ADAMTS6: variants seen among roughly 807,000 people sequenced by gnomAD.
The protein encoded by ADAMTS6 is A disintegrin and metalloproteinase with thrombospondin motifs 6.
A neutral mutation model predicts 144.3 loss-of-function variants in ADAMTS6; 23 were observed. The ratio of observed to expected loss-of-function variants is 0.16; its 90% CI spans 0.11 to 0.23. The LOEUF is 0.23. Among genes scored for constraint, ADAMTS6 ranks in the 10% least tolerant of loss-of-function variants. ADAMTS6 has a pLI of 1.00. For synonymous variants in ADAMTS6, 444 were observed against 457.5 expected, an observed-to-expected ratio of 0.97 and a Z score of 0.38; for missense variants, 999 against 1,379.6, an observed-to-expected ratio of 0.72 and a Z score of 4.37.
chr5:65,330,757 A>G (rs1746633204), intron 8 of ADAMTS6, among the ~76,000 whole-genome samples: 1 of 152,062 alleles, frequency 6.6e-6, no homozygotes, highest in Admixed American at 6.6e-5. Flanking sequence ...GTTTTATGCG[A>G]GACAGGCAAG....
chr5:65,174,353 C>T (rs1198130625), intron 22 of ADAMTS6, among the ~76,000 whole-genome samples: 1 of 152,178 alleles, frequency 6.6e-6, no homozygotes, highest in Admixed American at 6.5e-5. Context: ...GAGGCAGCCC[C>T]TTAGGTGGCT....
At chr5:65,168,736 C>T (rs2112055345) in intron 24 of ADAMTS6, among the ~76,000 whole-genome samples, 1 of 142,242 alleles carries the variant, frequency 7.0e-6, no homozygotes, top group South Asian at 2.4e-4. Context: ...CGCCGCTTAC[C>T]TACAACTATC....
intron 18 of ADAMTS6, among the ~76,000 whole-genome samples, chr5:65,220,691 G>A (rs1274063948): frequency 6.6e-6 from 1 of 152,094 alleles, no homozygotes; most frequent in Non-Finnish European, 1.5e-5. Flanking sequence ...TGCTTGCAGT[G>A]AGCCGAGATT....
chr5:65,468,643 G>A (rs1472767507), intron 3 of ADAMTS6, among the ~76,000 whole-genome samples: 3 of 152,136 alleles, frequency 2.0e-5, no homozygotes, highest in African/African-American at 7.2e-5. Flanking sequence ...GTGTCAATAA[G>A]AGACGAAGTA....
chr5:65,399,430 T>A (rs1395833380), intron 7 of ADAMTS6, among the ~76,000 whole-genome samples: 2 of 152,238 alleles, frequency 1.3e-5, no homozygotes, highest in East Asian at 3.8e-4. Context: ...TCTTTGTTCC[T>A]ATTTTTGTTT....
rs1671197858 is a variant in ADAMTS6 at position 65,436,531 on chromosome 5, T to C, written c.1073+14944A>G. On this transcript the variant is annotated intron_variant, in intron 7 of 24. Transcript: ENST00000381055. ...TAAGAAAAACAGCTGCAAGCTGCAT[T>C]CCTTTATTTTAAAAAAAATCTTGGC... 3.3e-5 allele frequency among the ~76,000 whole-genome samples: 5 copies of C among 151,294 alleles called. No homozygotes were observed. The South Asian group carries it at 1.0e-3, about 31-fold the overall frequency.
Position 65,449,377 on chromosome 5 carries a change from G to A in ADAMTS6, c.1073+2098C>T, listed in dbSNP as rs150959285. On this transcript the variant is annotated intron_variant, in intron 7 of 24. Transcript: ENST00000381055. ...ACGCCTGTAATCCCCAGCACTTTGG[G>A]AGGCCGAGGTGGGCGGATCACGAGG... Among the ~76,000 whole-genome samples, 1,051 of 152,312 alleles carry A rather than the reference G, an allele frequency of 6.9e-3. 13 individuals carry two copies. The highest frequency in any genetic ancestry group is 0.024 in the African/African-American group (983 of 41,572).
At chr5:65,182,071 C>A (rs1384282526) in intron 22 of ADAMTS6, among the ~76,000 whole-genome samples, 2 of 152,026 alleles carry the variant, frequency 1.3e-5, no homozygotes, top group African/African-American at 4.8e-5. Context: ...ATGAAGAATG[C>A]GAAGAAAGAC....
intron 7 of ADAMTS6, among the ~76,000 whole-genome samples, chr5:65,382,296 T>C (rs1434659704): frequency 6.6e-6 from 1 of 152,232 alleles, no homozygotes; most frequent in Non-Finnish European, 1.5e-5. Flanking sequence ...CTAATAAATG[T>C]TTAGATAAGG....
intron 21 of ADAMTS6, among the ~76,000 whole-genome samples, chr5:65,189,249 C>G (rs1042782919): frequency 6.6e-6 from 1 of 152,016 alleles, no homozygotes; most frequent in African/African-American, 2.4e-5. Flanking sequence ...TTTTTTGCAA[C>G]ACTTCTGCAG....
chr5:65,174,481 G>A (rs1042611338), intron 22 of ADAMTS6, among the ~76,000 whole-genome samples: 1 of 152,184 alleles, frequency 6.6e-6, no homozygotes, highest in Non-Finnish European at 1.5e-5. Flanking sequence ...AGAGGAGCAC[G>A]TGGCAGGCCC....
chr5:65,226,398 A>T (rs567812335), intron 15 of ADAMTS6, among the ~76,000 whole-genome samples, 179 bp from the exon 16 acceptor site: 1 of 152,018 alleles, frequency 6.6e-6, no homozygotes, highest in African/African-American at 2.4e-5. Flanking sequence ...TGGTGGTGCA[A>T]CTTAAAGGGG....
At chr5:65,414,958 AG>A (rs1464251622) in intron 7 of ADAMTS6, among the ~76,000 whole-genome samples, 4 of 152,232 alleles carry the variant, frequency 2.6e-5, no homozygotes, top group African/African-American at 7.2e-5. Context: ...TAAAGGCACA[AG>A]TAATGAAAGA....
intron 7 of ADAMTS6, among the ~76,000 whole-genome samples, chr5:65,436,844 T>C (rs1757453369): frequency 6.8e-6 from 1 of 146,178 alleles, no homozygotes; most frequent in African/African-American, 2.5e-5. Context: ...GATTACAGAG[T>C]AAGACTCTGT....
intron 15 of ADAMTS6, among the ~76,000 whole-genome samples, chr5:65,240,454 A>G (rs1759076306): frequency 6.6e-6 from 1 of 152,164 alleles, no homozygotes. Flanking sequence ...GCAAAGGACT[A>G]TAATGACTTT....
chr5:65,445,178 A>G (rs1758170314), intron 7 of ADAMTS6, among the ~76,000 whole-genome samples: 1 of 152,230 alleles, frequency 6.6e-6, no homozygotes. Flanking sequence ...AAATTTGGGC[A>G]CTGAGGAAAT....
chr5:65,192,653 CTT>C lies in ADAMTS6; in HGVS notation c.2705+4367_2705+4368del, dbSNP rs35427862. On this transcript the variant is annotated intron_variant, in intron 21 of 24. Transcript: ENST00000381055. ...ATATCCTTTAATATTAATTCCTTTC[CTT>C]TTTTTTTTTTCCAGTTATTTAAGGC... Among the ~76,000 whole-genome samples, 572 of 146,260 alleles carry C rather than the reference CTT, an allele frequency of 3.9e-3. 2 individuals carry two copies. Among genetic ancestry groups the C allele is most frequent in the Non-Finnish European group, 6.1e-3 (403 of 66,368 alleles).
intron 18 of ADAMTS6, among the ~76,000 whole-genome samples, chr5:65,219,816 T>G (rs1241854295): frequency 6.6e-6 from 1 of 152,202 alleles, no homozygotes; most frequent in Non-Finnish European, 1.5e-5. Flanking sequence ...AAAACATAGT[T>G]TCAAAATAAA....
At chr5:65,309,293 G>C (rs2112834771) in intron 9 of ADAMTS6, among the ~76,000 whole-genome samples, 1 of 152,058 alleles carries the variant, frequency 6.6e-6, no homozygotes. Flanking sequence ...CCATCTAGGG[G>C]TGATGGGAGA....
Sources: gnomAD v4.1 joint callset for allele counts (sites outside exome capture counted in the v4.1 genomes callset) on GRCh38, gnomAD v4.1.1 for gene constraint, MANE v1.5 for transcripts, NCBI Gene and HGNC (gene_info 2026-07-23, HGNC 2026-07-21) for gene names.